The following MAP4K4 variants were observed in gnomAD, a reference collection of about 807,000 sequenced individuals.
MAP4K4 encodes mitogen-activated protein kinase kinase kinase kinase 4.
In MAP4K4, 38 loss-of-function variants were observed where a neutral mutation model predicts 189.6. That is an observed-to-expected ratio of 0.20 (90% confidence interval 0.15 to 0.26). The LOEUF (loss-of-function observed/expected upper bound fraction) is 0.26. Among genes scored for constraint, MAP4K4 ranks in the 10% least tolerant of loss-of-function variants. The pLI, the probability that MAP4K4 is intolerant of heterozygous loss-of-function variation, is 1.00. For synonymous variants in MAP4K4, 610 were observed against 624.3 expected, an observed-to-expected ratio of 0.98 and a Z score of 0.34; for missense variants, 1,054 against 1,726.9, an observed-to-expected ratio of 0.61 and a Z score of 6.91.
At chr2:101,730,755 T>C (rs1016641467) in intron 2 of MAP4K4, among the ~76,000 whole-genome samples, 6 of 152,112 alleles carry the variant, frequency 3.9e-5, no homozygotes, top group Admixed American at 1.3e-4. Context: ...CTTAGAAATA[T>C]GTTGAATAGT....
chr2:101,861,106 A>C, intron 16 of MAP4K4, 120 bp downstream of exon 16: 2 of 925,592 alleles, frequency 2.2e-6, no homozygotes, highest in Non-Finnish European at 3.2e-6. Flanking sequence ...AGAGATTAGC[A>C]GGAGTGAGTT....
At position 101,715,055 on chromosome 2, in the gene MAP4K4, A is replaced by G. The variant is rs554046622; in HGVS notation, c.123+16517A>G. Among the ~76,000 whole-genome samples, 8 of 152,336 alleles carry G rather than the reference A, an allele frequency of 5.3e-5. No homozygotes were observed. In the East Asian group the frequency reaches 1.5e-3, roughly 29 times the overall value. ...TAGGGCTGCCATAACAAAAGGTCAC[A>G]GGCTGGGGGCTTCAGTAATATAAGT... is the stretch of plus-strand genomic sequence containing the variant. On this transcript the variant is annotated intron_variant, in intron 2 of 32. Coordinates refer to ENST00000324219, the Ensembl canonical transcript of MAP4K4.
At chr2:101,703,591 C>T (rs1425522778) in intron 2 of MAP4K4, among the ~76,000 whole-genome samples, 1 of 123,384 alleles carries the variant, frequency 8.1e-6, no homozygotes, top group African/African-American at 3.1e-5. Flanking sequence ...GCACTCCAGC[C>T]TGGGCAACAG....
At chr2:101,870,559 G>C in intron 23 of MAP4K4, 144 bp downstream of exon 23, 1 of 1,124,982 alleles carries the variant, frequency 8.9e-7, no homozygotes, top group Non-Finnish European at 1.2e-6. Context: ...CGAGTGTCGG[G>C]GGCTAGGGAG....
chr2:101,789,828 A>G (rs1235165011), intron 2 of MAP4K4, among the ~76,000 whole-genome samples: 1 of 152,152 alleles, frequency 6.6e-6, no homozygotes, highest in Non-Finnish European at 1.5e-5. Flanking sequence ...AACAAGACTG[A>G]CAGTAATTAA....
intron 2 of MAP4K4, among the ~76,000 whole-genome samples, chr2:101,742,335 C>A (rs1051065137): frequency 6.6e-6 from 1 of 152,182 alleles, no homozygotes; most frequent in Admixed American, 6.5e-5. Flanking sequence ...TGGTAACCTA[C>A]GGTGTGTCTT....
chr2:101,764,496 A>C (rs2077761264), intron 2 of MAP4K4, among the ~76,000 whole-genome samples: 2 of 152,202 alleles, frequency 1.3e-5, no homozygotes, highest in African/African-American at 2.4e-5. Context: ...CAGTGTGTGA[A>C]TATATTAATA....
intron 12 of MAP4K4, among the ~76,000 whole-genome samples, chr2:101,852,320 A>G (rs1422182353): frequency 6.6e-6 from 1 of 152,184 alleles, no homozygotes; most frequent in Non-Finnish European, 1.5e-5. Context: ...AGCGTTGGGT[A>G]AATTCACAGC....
rs368036248 is a variant in MAP4K4, at chr2:101,763,089, G to T, written c.124-27631G>T. 3.5e-3 allele frequency among the ~76,000 whole-genome samples: 532 copies of T among 152,328 alleles called. 2 individuals are homozygous for T. Among genetic ancestry groups the T allele is most frequent in the African/African-American group, 0.012 (517 of 41,570 alleles). On this transcript the variant is annotated intron_variant, in intron 2 of 32. Transcript: ENST00000324219. ...TCAGACCTCTGCTCTACTGCTCCTA[G>T]CCCCTGCTGTGACCTCGGGCAATGC...
At chr2:101,876,429 T>C (rs1218606982) in intron 26 of MAP4K4, among the ~76,000 whole-genome samples, 1 of 152,004 alleles carries the variant, frequency 6.6e-6, no homozygotes, top group Non-Finnish European at 1.5e-5. Flanking sequence ...TCCTAAGAAA[T>C]GGAAGGACAA....
intron 2 of MAP4K4, among the ~76,000 whole-genome samples, chr2:101,739,908 T>A (rs539238106): frequency 6.6e-6 from 1 of 152,184 alleles, no homozygotes; most frequent in Admixed American, 6.5e-5. Flanking sequence ...GGGCAGTCAC[T>A]CTCTCATCTC....
rs1577501012 is a variant in MAP4K4 at position 101,888,660 on chromosome 2, C to T, written c.3932-136C>T. 8.2e-6 allele frequency: 5 copies of T among 609,416 alleles called. No homozygotes were observed. The East Asian group carries it at 1.6e-4, about 20-fold the overall frequency. The allele number at this position is 609,416 out of a possible 1,614,324, so 37.8% of individuals were successfully genotyped here. A position where few individuals can be genotyped will look rare whatever the true frequency, so the allele number is the denominator to read the frequency against. ...AGGCAGAGTTCCTTGAAAACAAATCCTTAAATGCTAGGCATTTAAATTTTA... is the reference window on the plus strand; with the variant it reads ...AGGCAGAGTTCCTTGAAAACAAATCTTTAAATGCTAGGCATTTAAATTTTA... On this transcript the variant is annotated intron_variant, in intron 31 of 32. Transcript: ENST00000324219.
chr2:101,805,750 G>A (rs778547649), intron 3 of MAP4K4, among the ~76,000 whole-genome samples: 62 of 152,152 alleles, frequency 4.1e-4, no homozygotes, highest in Non-Finnish European at 5.4e-4. Context: ...CGTTGCTGGC[G>A]TGTGATGACT....
At chr2:101,815,342 T>C (rs1323955636) in intron 3 of MAP4K4, among the ~76,000 whole-genome samples, 1 of 152,208 alleles carries the variant, frequency 6.6e-6, no homozygotes, top group Non-Finnish European at 1.5e-5. Flanking sequence ...ATGCACTGGG[T>C]TCTAATTTAA....
intron 2 of MAP4K4, among the ~76,000 whole-genome samples, chr2:101,724,390 G>T (rs972501079): frequency 2.0e-5 from 3 of 152,156 alleles, no homozygotes; most frequent in African/African-American, 7.2e-5. Context: ...TTGGGCCTCA[G>T]GTTCCTTTTA....
chr2:101,866,308 C>A, intron 18 of MAP4K4, 120 bp from the exon 19 acceptor site: 1 of 799,402 alleles, frequency 1.3e-6, no homozygotes, highest in Non-Finnish European at 1.9e-6. Flanking sequence ...TGTTTATAGA[C>A]TGTTTTTTGT....
intron 29 of MAP4K4, 24 bp from the exon 30 acceptor site, chr2:101,887,064 A>G: frequency 1.4e-6 from 2 of 1,440,394 alleles, no homozygotes; most frequent in Non-Finnish European, 1.9e-6. Context: ...TCATCTTCTC[A>G]CTTCTCTTAT....
exon 28 of MAP4K4, chr2:101,882,584 C>A: frequency 6.2e-7 from 1 of 1,605,090 alleles, no homozygotes; most frequent in Non-Finnish European, 8.5e-7. Context: ...TACTATTTGT[C>A]CTGGTTAAGA....
chr2:101,816,321 A>G (rs1289286428), intron 3 of MAP4K4, among the ~76,000 whole-genome samples: 1 of 152,200 alleles, frequency 6.6e-6, no homozygotes, highest in Non-Finnish European at 1.5e-5. Flanking sequence ...ATTTTGTCAA[A>G]TATGTAAGCA....
Sources: gnomAD v4.1 joint callset for allele counts (sites outside exome capture counted in the v4.1 genomes callset) on GRCh38, gnomAD v4.1.1 for gene constraint, MANE v1.5 for transcripts, NCBI Gene and HGNC (gene_info 2026-07-23, HGNC 2026-07-21) for gene names.